Variants in DMPK observed in about 807,000 individuals in gnomAD.
DMPK encodes myotonin-protein kinase.
A neutral mutation model predicts 70.3 loss-of-function variants in DMPK; 32 were observed. The ratio of observed to expected loss-of-function variants is 0.46; its 90% CI spans 0.34 to 0.61. The LOEUF (loss-of-function observed/expected upper bound fraction) is 0.61, where lower values mean the gene tolerates loss of function less well. Ranked by LOEUF, DMPK falls within the 20% of genes least tolerant of loss-of-function variation. The pLI is 0.01. For missense variants in DMPK, 899 were observed against 886.0 expected (o/e 1.01, Z -0.19); for synonymous variants, 469 against 390.9 (o/e 1.20, Z -2.36).
rs1429056685 is a variant in DMPK, at chr19:45,770,492, G to A, written c.1886C>T (p.Pro629Leu). The change falls in exon 15 of 15, where the codon CCC becomes CTC. Residue 629 changes from proline (P) to leucine (L), a missense_variant. Around this residue, in one of 3 missense-constraint regions of DMPK, gnomAD observed 555 missense variants for 483.8 expected, o/e 1.15. Transcript: ENST00000291270. ...AGTCGAAGACAGTTCTAGGGTTCAG[G>A]GAGCGCGGGCGGCTCCTGGGCGGCG... The part of the protein sequence containing the change: ...VWRRPGAARA[P>L] The A allele has an allele frequency of 7.7e-6, 12 of 1,550,358 alleles. No homozygotes were observed. Among genetic ancestry groups the A allele is most frequent in the Non-Finnish European group, 9.6e-6 (11 of 1,146,804 alleles).
In DMPK at chr19:45,769,969, A is replaced by T. The variant is rs148575678; in HGVS notation, c.*519T>A. On this transcript the variant is annotated 3_prime_UTR_variant, in exon 15 of 15. Transcript: ENST00000291270. The stretch of plus-strand genomic sequence containing the variant: ...GAGGGGGGCGCGGGATCCCCGAAAA[A>T]GCGGGTTTGGCAAAAGCAAATTTCC... 5.5e-4 allele frequency: 168 copies of T among 307,502 alleles called. No homozygotes were observed. Among genetic ancestry groups the T allele is most frequent in the Non-Finnish European group, 8.3e-4 (133 of 160,356 alleles). 19.0% of individuals were successfully genotyped at this position (307,502 alleles called of 1,614,324 possible). A position where few individuals can be genotyped will look rare whatever the true frequency, so the allele number is the denominator to read the frequency against.
intron 4 of DMPK, 25 bp downstream of exon 4, chr19:45,779,239 C>G (rs751625776): frequency 6.8e-6 from 11 of 1,610,946 alleles, no homozygotes; most frequent in Admixed American, 3.3e-5. Flanking sequence ...GTCCCTCTTC[C>G]TAGTCACCCC....
rs1195681393 is a variant in DMPK, at chr19:45,770,514, G to A, written c.1864C>T (p.Arg622Cys). The change falls in exon 15 of 15, where the codon CGC becomes TGC. Residue 622 changes from arginine (R) to cysteine (C), a missense_variant. Transcript: ENST00000291270. ...CAGGGAGCGCGGGCGGCTCCTGGGC[G>A]GCGCCAGACTGCGGTGAGTTGGCCG... Reference protein sequence around the residue: ...HAGQLTAVWRRPGAARAP With the variant: ...HAGQLTAVWRCPGAARAP 4 of 1,550,480 alleles carry A rather than the reference G, an allele frequency of 2.6e-6. No individual in the cohort carries two copies. Among genetic ancestry groups the A allele is most frequent in the Non-Finnish European group, 3.5e-6 (4 of 1,146,808 alleles).
intron 1 of DMPK, chr19:45,780,451 C>T (rs769213954): frequency 1.6e-6 from 2 of 1,267,318 alleles, no homozygotes; most frequent in Admixed American, 2.5e-5. Context: ...GTGCTCCGGT[C>T]CAGCCCATCT....
rs1295456090 is a variant in DMPK at position 45,779,841 on chromosome 19, C to T, written c.189G>A (p.Glu63=). 6.3e-7 allele frequency: 1 copy of T among 1,599,970 alleles called. No homozygotes were observed. The highest frequency in any genetic ancestry group is 1.1e-5 in the South Asian group (1 of 89,982). ...CGAAGTCGTCCCTCTGCAGTCGGACCTCCTTAAGCCTCACCACGATGGGCT... is the reference window on the plus strand; with the variant it reads ...CGAAGTCGTCCCTCTGCAGTCGGACTTCCTTAAGCCTCACCACGATGGGCT... ...WAEPIVVRLK[E]VRLQRDDFEI... Residue 63 remains glutamate, a synonymous_variant, in exon 2 of 15, where the codon GAG becomes GAA. Coordinates refer to ENST00000291270, the MANE Select transcript of DMPK (RefSeq NM_004409.5).
At position 45,782,330 on chromosome 19, in the gene DMPK, C is replaced by T. The variant is rs1208656458; in HGVS notation, c.23G>A (p.Arg8Lys). ...GTCCAACACCAGCTGCTGGAGCCGC[C>T]TCAGCCGCACCTCGGCTGACATGTT... is the stretch of plus-strand genomic sequence containing the variant. The part of the protein sequence containing the change: MSAEVRL[R>K]RLQQLVLDPG... Residue 8 changes from arginine (R) to lysine (K), a missense_variant, in exon 1 of 15, where the codon AGG becomes AAG. By Grantham distance (26) the Arg-to-Lys change is conservative. Transcript: ENST00000291270. The T allele has an allele frequency of 6.3e-7, 1 of 1,581,972 alleles. No homozygotes were observed. The highest frequency in any genetic ancestry group is 8.6e-7 in the Non-Finnish European group (1 of 1,165,090).
In DMPK at chr19:45,770,137, C is replaced by G. The variant is rs1969248868; in HGVS notation, c.*351G>C. The G allele has an allele frequency of 2.9e-6, 2 of 682,038 alleles. No homozygotes were observed. Among genetic ancestry groups the G allele is most frequent in the Admixed American group, 2.3e-5 (1 of 43,982 alleles). The allele number at this position is 682,038 out of a possible 1,614,324, so 42.2% of individuals were successfully genotyped here. ...CGGCCCGGCTTGCTGCCTTCCCAGG[C>G]CTGCAGTTTGCCCATCCACGTCAGG... On this transcript the variant is annotated 3_prime_UTR_variant, in exon 15 of 15. Coordinates refer to ENST00000291270, the MANE Select transcript of DMPK (RefSeq NM_004409.5).
chr19:45,778,208 G>A lies in DMPK; in HGVS notation c.594C>T (p.Pro198=), dbSNP rs150521628. The A allele has an allele frequency of 3.4e-5, 55 of 1,613,560 alleles. No homozygotes were observed. The highest frequency in any genetic ancestry group is 1.5e-4 in the African/African-American group (11 of 75,026). ...CACAGCGGTCCAGCAGGATGTTGTC[G>A]GGTTTGATGTCCCTGCACGGAGGAA... ...RLGYVHRDIK[P]DNILLDRCGH... The change falls in exon 6 of 15, where the codon CCC becomes CCT. Residue 198 remains proline (P), a synonymous_variant. Coordinates refer to ENST00000291270, the MANE Select transcript of DMPK (RefSeq NM_004409.5).
At chr19:45,771,435 G>A (rs770047523) in intron 12 of DMPK, 39 bp from the exon 13 acceptor site, 5 of 1,611,124 alleles carry the variant, frequency 3.1e-6, no homozygotes, top group African/African-American at 2.7e-5. Context: ...GCGTGGAGGG[G>A]CGAAGGAGGG....
chr19:45,782,157 A>T, intron 1 of DMPK, 36 bp downstream of exon 1: 3 of 437,616 alleles, frequency 6.9e-6, no homozygotes, highest in Non-Finnish European at 1.0e-5. Context: ...CCCCACCCCC[A>T]CCCCATCTGC....
Position 45,770,262 on chromosome 19 carries a change from C to CAGCAGCAGCATT in DMPK, c.*225_*226insAATGCTGCTGCT. The CAGCAGCAGCATT allele has an allele frequency of 4.7e-6, 3 of 644,020 alleles. No individual in the cohort carries two copies. Among genetic ancestry groups the CAGCAGCAGCATT allele is most frequent in the South Asian group, 3.5e-5 (2 of 57,948 alleles). The allele number at this position is 644,020 out of a possible 1,614,324, so 39.9% of individuals were successfully genotyped here. A position where few individuals can be genotyped will look rare whatever the true frequency, so the allele number is the denominator to read the frequency against. ...GCAGCAGCAGCAGCAGCAGCAGCAG[C>CAGCAGCAGCATT]AGCATTCCCGGCTACAAGGACCCTT... On this transcript the variant is annotated 3_prime_UTR_variant, in exon 15 of 15. Coordinates refer to ENST00000291270, the MANE Select transcript of DMPK (RefSeq NM_004409.5).
chr19:45,775,771 G>A (rs1969741478), intron 8 of DMPK, among the ~76,000 whole-genome samples: 1 of 108,428 alleles, frequency 9.2e-6, no homozygotes. Context: ...GCCTGCCTCA[G>A]CCTCCCAAAG....
chr19:45,777,145 G>A lies in DMPK; in HGVS notation c.1146+182C>T, dbSNP rs960904620. ...CCTTACTGTCTGAAGACTGCTCTGT[G>A]TTCCCCCACTGGACTGTAAGTCTAG... On this transcript the variant is annotated intron_variant, in intron 8 of 14. Coordinates refer to ENST00000291270, the MANE Select transcript of DMPK (RefSeq NM_004409.5). The surrounding 1 kb of genome is among the most constrained non-coding windows in gnomAD (Gnocchi z 6.7). 2.3e-5 allele frequency: 19 copies of A among 826,356 alleles called. No individual in the cohort carries two copies. The highest frequency in any genetic ancestry group is 3.4e-5 in the Non-Finnish European group (19 of 553,692). The allele number at this position is 826,356 out of a possible 1,614,324, so 51.2% of individuals were successfully genotyped here.
rs891022245 is a variant in DMPK, at chr19:45,777,063, G to A, written c.1146+264C>T. 1 of 439,888 alleles carries A rather than the reference G, an allele frequency of 2.3e-6. No individual in the cohort carries two copies. The highest frequency in any genetic ancestry group is 3.9e-6 in the Non-Finnish European group (1 of 254,112). 27.2% of individuals were successfully genotyped at this position (439,888 alleles called of 1,614,324 possible). On this transcript the variant is annotated intron_variant, in intron 8 of 14. Coordinates refer to ENST00000291270, the MANE Select transcript of DMPK (RefSeq NM_004409.5). This position sits in a 1 kb window ranked among gnomAD's most constrained non-coding sequence, Gnocchi z 6.7. ...AAAGCCCTCCAGGACCTTCCTTGCT[G>A]AGTCAGGAGTCCCCCACCCCCTGCA...
At chr19:45,778,056 G>A (rs772444621) in intron 6 of DMPK, 71 bp downstream of exon 6, 218 of 1,380,674 alleles carry the variant, frequency 1.6e-4, no homozygotes, top group Non-Finnish European at 2.0e-4. Context: ...ATCCAGTCCC[G>A]CTCCCACACT....
At chr19:45,780,424 A>C in intron 1 of DMPK, 1 of 1,351,756 alleles carries the variant, frequency 7.4e-7, no homozygotes, top group Non-Finnish European at 9.7e-7. Context: ...TAGCATGGTC[A>C]CATATCCCAG....
At chr19:45,772,225 C>A (rs150129351) in intron 10 of DMPK, 3 of 431,176 alleles carry the variant, frequency 7.0e-6, no homozygotes, top group East Asian at 8.1e-5. Flanking sequence ...AATGCCCTCA[C>A]GACAAAAGGC....
chr19:45,776,914 C>G (rs1969803412), intron 8 of DMPK: 1 of 175,894 alleles, frequency 5.7e-6, no homozygotes, highest in Admixed American at 5.5e-5. Flanking sequence ...AAAAGGGCAC[C>G]CAGAGCCGAG....
At chr19:45,773,939 A>T (rs1328742216) in intron 9 of DMPK, among the ~76,000 whole-genome samples, 2 of 148,342 alleles carry the variant, frequency 1.3e-5, no homozygotes, top group Non-Finnish European at 3.0e-5. Context: ...CACCATGCCC[A>T]GCCTGTAAAT....
Sources: allele counts gnomAD v4.1 joint callset (sites outside exome capture counted in the v4.1 genomes callset), GRCh38; gene constraint gnomAD v4.1.1; regional missense constraint gnomAD v4.1.1; non-coding constraint Gnocchi (gnomAD v3.1); transcripts MANE v1.5; gene names NCBI Gene and HGNC (gene_info 2026-07-23, HGNC 2026-07-21).